Variants in LRRTM4 observed in about 807,000 individuals in gnomAD.
LRRTM4 encodes the protein leucine rich repeat transmembrane neuronal 4.
In LRRTM4, 25 loss-of-function variants were observed where a neutral mutation model predicts 47.6. The observed-to-expected ratio is 0.53, with a 90% CI of 0.38 to 0.73. LRRTM4 has a LOEUF of 0.73. Ranked by LOEUF, LRRTM4 falls within the 30% of genes least tolerant of loss-of-function variation. The pLI is 0.00. For synonymous variants in LRRTM4, 311 were observed against 269.5 expected (o/e 1.15, Z -1.51); for missense variants, 638 against 713.4 (o/e 0.89, Z 1.20).
At chr2:77,236,248 T>A (rs1307760859) in intron 3 of LRRTM4, among the ~76,000 whole-genome samples, 1 of 152,102 alleles carries the variant, frequency 6.6e-6, no homozygotes, top group Non-Finnish European at 1.5e-5. Flanking sequence ...CTTAATTAGA[T>A]GTCTTCCTAT....
chr2:76,959,312 T>C (rs1232018793), intron 3 of LRRTM4, among the ~76,000 whole-genome samples: 1 of 151,498 alleles, frequency 6.6e-6, no homozygotes, highest in Non-Finnish European at 1.5e-5. Context: ...TATAGGGACC[T>C]AGCATGCCCT....
intron 3 of LRRTM4, among the ~76,000 whole-genome samples, chr2:77,154,837 CT>C (rs2103793152): frequency 6.6e-6 from 1 of 152,194 alleles, no homozygotes; most frequent in Admixed American, 6.5e-5. Context: ...TTTCATGACT[CT>C]GAAGCTTTCT....
intron 3 of LRRTM4, among the ~76,000 whole-genome samples, chr2:77,445,825 C>A (rs1676030300): frequency 6.6e-6 from 1 of 151,922 alleles, no homozygotes; most frequent in Admixed American, 6.6e-5. Flanking sequence ...CACCTATAAA[C>A]AAGTGATAAA....
At chr2:77,500,705 T>C (rs1028257576) in intron 3 of LRRTM4, among the ~76,000 whole-genome samples, 1 of 151,584 alleles carries the variant, frequency 6.6e-6, no homozygotes, top group African/African-American at 2.4e-5. Flanking sequence ...TCCGTATTAT[T>C]TTAAAAAATA....
At chr2:77,179,963 A>G (rs1489667992) in intron 3 of LRRTM4, among the ~76,000 whole-genome samples, 1 of 152,164 alleles carries the variant, frequency 6.6e-6, no homozygotes, top group African/African-American at 2.4e-5. Context: ...TTTTTCTTTT[A>G]AAGAACTCAA....
At chr2:77,456,180 A>C (rs568362622) in intron 3 of LRRTM4, among the ~76,000 whole-genome samples, 48 of 152,302 alleles carry the variant, frequency 3.2e-4, no homozygotes, top group African/African-American at 8.7e-4. Flanking sequence ...TAAATTCCAA[A>C]TGAACACTCA....
chr2:76,892,048 T>C (rs1673272502), intron 3 of LRRTM4, among the ~76,000 whole-genome samples: 1 of 151,546 alleles, frequency 6.6e-6, no homozygotes, highest in Non-Finnish European at 1.5e-5. Flanking sequence ...GTGTAGAAAA[T>C]GAGTAATTTT....
chr2:77,117,086 A>G (rs1322997260), intron 3 of LRRTM4, among the ~76,000 whole-genome samples: 2 of 152,100 alleles, frequency 1.3e-5, no homozygotes, highest in Non-Finnish European at 2.9e-5. Flanking sequence ...TTCACTGAGC[A>G]TGATAGTTAT....
At chr2:77,338,890 A>T (rs1348233729) in intron 3 of LRRTM4, among the ~76,000 whole-genome samples, 1 of 152,048 alleles carries the variant, frequency 6.6e-6, no homozygotes, top group African/African-American at 2.4e-5. Context: ...AAAATGTGCT[A>T]CATATTATAC....
intron 3 of LRRTM4, among the ~76,000 whole-genome samples, chr2:77,442,394 G>A (rs1042811598): frequency 3.9e-5 from 6 of 152,170 alleles, no homozygotes; most frequent in Middle Eastern, 3.2e-3. Flanking sequence ...TTCCTAAAAT[G>A]TAGTAGTTCA....
At chr2:76,914,906 G>A (rs1240960998) in intron 3 of LRRTM4, among the ~76,000 whole-genome samples, 2 of 152,178 alleles carry the variant, frequency 1.3e-5, no homozygotes, top group Non-Finnish European at 2.9e-5. Flanking sequence ...ACTAAGAGCA[G>A]AAAGAAAATG....
intron 3 of LRRTM4, among the ~76,000 whole-genome samples, chr2:77,142,995 T>C (rs887097654): frequency 4.6e-5 from 7 of 152,222 alleles, no homozygotes; most frequent in African/African-American, 1.7e-4. Flanking sequence ...TTGAATTATC[T>C]GTTCTCACAT....
rs539533934 is a variant in LRRTM4 at position 76,845,836 on chromosome 2, C to T, written c.1552-96920G>A. Among the ~76,000 whole-genome samples the T allele has an allele frequency of 1.9e-4, 29 of 152,052 alleles. No individual in the cohort carries two copies. In the South Asian group the frequency reaches 5.8e-3, roughly 30 times the overall value. On this transcript the variant is annotated intron_variant, in intron 3 of 3. Coordinates refer to ENST00000409884, the MANE Select transcript of LRRTM4 (RefSeq NM_001134745.3). ...TCCTGAACACAACTCTGGTTCAATG[C>T]CCTAGGGAGAGGGGAAGTTTCAGAA...
At chr2:77,082,203 G>A (rs535653354) in intron 3 of LRRTM4, among the ~76,000 whole-genome samples, 143 of 152,010 alleles carry the variant, frequency 9.4e-4, no homozygotes, top group Non-Finnish European at 1.5e-3. Flanking sequence ...AATTCCAGGA[G>A]TATTGATGTG....
At chr2:76,840,239 A>G (rs1258142761) in intron 3 of LRRTM4, among the ~76,000 whole-genome samples, 6 of 152,238 alleles carry the variant, frequency 3.9e-5, no homozygotes, top group East Asian at 1.9e-4. Flanking sequence ...CCCCAAAACT[A>G]TAGTTTAAAT....
At chr2:77,296,872 C>T (rs1321186413) in intron 3 of LRRTM4, among the ~76,000 whole-genome samples, 3 of 152,262 alleles carry the variant, frequency 2.0e-5, no homozygotes, top group East Asian at 1.9e-4. Flanking sequence ...CCACTTTTCT[C>T]GTTCTGAGTT....
At chr2:77,021,758 A>G (rs1678278472) in intron 3 of LRRTM4, among the ~76,000 whole-genome samples, 1 of 152,164 alleles carries the variant, frequency 6.6e-6, no homozygotes, top group African/African-American at 2.4e-5. Context: ...CTAAATTTTG[A>G]AAGTGGTTAT....
chr2:77,147,800 A>C (rs546267053), intron 3 of LRRTM4, among the ~76,000 whole-genome samples: 1 of 152,202 alleles, frequency 6.6e-6, no homozygotes, highest in Non-Finnish European at 1.5e-5. Context: ...ATTGTTAAGG[A>C]GGCATTTACT....
chr2:77,211,307 G>T (rs1674286255), intron 3 of LRRTM4, among the ~76,000 whole-genome samples: 4 of 152,168 alleles, frequency 2.6e-5, no homozygotes, highest in Admixed American at 2.6e-4. Flanking sequence ...AATGATGAAA[G>T]AGAAGCAGAT....
Sources: gnomAD v4.1 joint callset for allele counts (sites outside exome capture counted in the v4.1 genomes callset) on GRCh38, gnomAD v4.1.1 for gene constraint, MANE v1.5 for transcripts, NCBI Gene and HGNC (gene_info 2026-07-23, HGNC 2026-07-21) for gene names.